The following DSE variants were observed in gnomAD, a reference collection of about 807,000 sequenced individuals.
The protein encoded by DSE is dermatan sulfate epimerase, also known as dermatan-sulfate epimerase.
In DSE, 36 loss-of-function variants were observed where a neutral mutation model predicts 84.4. The observed-to-expected ratio is 0.43, with a 90% CI of 0.33 to 0.56. DSE has a LOEUF of 0.56. Ranked by LOEUF, DSE falls within the 20% of genes least tolerant of loss-of-function variation. The pLI is 0.06. For missense variants in DSE, 862 were observed against 1,169.6 expected, an observed-to-expected ratio of 0.74 and a Z score of 3.84; for synonymous variants, 410 against 430.1, an observed-to-expected ratio of 0.95 and a Z score of 0.58.
intron 2 of DSE, among the ~76,000 whole-genome samples, chr6:116,407,539 G>A (rs1782013264): frequency 1.3e-5 from 2 of 152,004 alleles, no homozygotes; most frequent in African/African-American, 2.4e-5. Flanking sequence ...TAACTTTTAG[G>A]ACCTCTTGGC....
intron 2 of DSE, chr6:116,279,159 A>G: frequency 6.2e-7 from 1 of 1,613,804 alleles, no homozygotes; most frequent in Admixed American, 1.7e-5. Flanking sequence ...GGAGAGCCTC[A>G]TGCAAAGGCC....
intron 1 of DSE, among the ~76,000 whole-genome samples, chr6:116,372,245 G>C (rs1779638598): frequency 6.6e-6 from 1 of 152,210 alleles, no homozygotes; most frequent in Non-Finnish European, 1.5e-5. Context: ...GAGGCAGGCG[G>C]ATCACGAGGT....
chr6:116,402,223 G>A (rs368452015), intron 2 of DSE, among the ~76,000 whole-genome samples: 2 of 152,304 alleles, frequency 1.3e-5, no homozygotes, highest in African/African-American at 4.8e-5. Context: ...AATTGAGTGT[G>A]TGGATCATTT....
intron 2 of DSE, among the ~76,000 whole-genome samples, chr6:116,409,574 C>T (rs140554129): frequency 4.9e-4 from 75 of 152,288 alleles, no homozygotes; most frequent in African/African-American, 1.7e-3. Flanking sequence ...CCAACACGCC[C>T]GGCCAATATA....
At chr6:116,403,890 G>A (rs1381139079) in intron 2 of DSE, among the ~76,000 whole-genome samples, 1 of 152,272 alleles carries the variant, frequency 6.6e-6, no homozygotes, top group African/African-American at 2.4e-5. Flanking sequence ...ACCTGAGAGC[G>A]GGACCATGCC....
upstream of DSE, among the ~76,000 whole-genome samples, chr6:116,368,734 A>C (rs1779315267): frequency 6.6e-6 from 1 of 152,222 alleles, no homozygotes; most frequent in Non-Finnish European, 1.5e-5. Context: ...AATTCTTGGC[A>C]TCAGGGTTTG....
chr6:116,321,218 G>A (rs1776286117), intron 2 of DSE, among the ~76,000 whole-genome samples: 3 of 152,210 alleles, frequency 2.0e-5, no homozygotes, highest in Non-Finnish European at 4.4e-5. Context: ...CTGTTGCCCA[G>A]GCTGGAGTGC....
intron 2 of DSE, among the ~76,000 whole-genome samples, chr6:116,342,933 G>T (rs768251631): frequency 6.6e-6 from 1 of 152,124 alleles, no homozygotes; most frequent in Non-Finnish European, 1.5e-5. Context: ...GGAAAATCGG[G>T]ACACTTCCAC....
chr6:116,433,886 G>C (rs2115088538), intron 5 of DSE, among the ~76,000 whole-genome samples: 1 of 152,126 alleles, frequency 6.6e-6, no homozygotes, highest in Middle Eastern at 3.4e-3. Context: ...TCTCATATTA[G>C]AGCTGTCCTA....
At chr6:116,276,844 G>T (rs1241687267) in intron 2 of DSE, 1 of 152,096 alleles carries the variant, frequency 6.6e-6, no homozygotes, top group Non-Finnish European at 1.5e-5. Context: ...TAGGAAAAAA[G>T]ATATATCACT....
intron 2 of DSE, among the ~76,000 whole-genome samples, chr6:116,285,542 G>A (rs910965592): frequency 7.7e-4 from 117 of 152,208 alleles, no homozygotes; most frequent in African/African-American, 2.1e-3. Flanking sequence ...CCATTTGTCA[G>A]TTTTGGCTTT....
chr6:116,354,453 G>A (rs1562249677), intron 2 of DSE, among the ~76,000 whole-genome samples: 1 of 152,130 alleles, frequency 6.6e-6, no homozygotes, highest in African/African-American at 2.4e-5. Flanking sequence ...AGAGTGGGTG[G>A]AGGGTTTGTA....
In DSE at chr6:116,435,748, T is replaced by C; in HGVS notation, c.1280T>C (p.Ile427Thr). 2 of 1,614,050 alleles carry C rather than the reference T, an allele frequency of 1.2e-6. No homozygotes were observed. The highest frequency in any genetic ancestry group is 8.5e-7 in the Non-Finnish European group (1 of 1,180,006). The change falls in exon 6 of 6, where the codon ATA becomes ACA. Residue 427 changes from isoleucine (I) to threonine (T), a missense_variant. Around this residue, in one of 4 missense-constraint regions of DSE, gnomAD observed 309 missense variants for 516.9 expected, o/e 0.60. Transcript: ENST00000644252. ...FKSGKLGGRA[I>T]YDIVHRNKYK... The stretch of plus-strand genomic sequence containing the variant: ...TCTGGAAAACTGGGGGGACGTGCAA[T>C]ATATGACATTGTCCACAGAAACAAA...
intron 2 of DSE, among the ~76,000 whole-genome samples, chr6:116,281,853 T>A (rs1176355114): frequency 5.3e-5 from 8 of 152,244 alleles, no homozygotes; most frequent in Non-Finnish European, 1.0e-4. Context: ...CCTTCCTATC[T>A]GCCACTGGCA....
rs527673834 is a variant in DSE at position 116,400,987 on chromosome 6, T to C, written c.416+1321T>C. ...TCTAGAAGGGTACTTTAAAGTCCTT[T>C]TTGTTTTAGATAAGTAGATTTTGGC... is the stretch of plus-strand genomic sequence containing the variant. On this transcript the variant is annotated intron_variant, in intron 2 of 5. Coordinates refer to ENST00000644252, the MANE Select transcript of DSE (RefSeq NM_013352.4). 1.3e-4 allele frequency: 20 copies of C among 152,254 alleles called. No homozygotes were observed. The East Asian group carries it at 3.1e-3, about 23-fold the overall frequency. 9.4% of individuals were successfully genotyped at this position (152,254 alleles called of 1,614,324 possible). A position where few individuals can be genotyped will look rare whatever the true frequency, so the allele number is the denominator to read the frequency against.
chr6:116,319,129 C>T (rs1051490746), intron 2 of DSE, among the ~76,000 whole-genome samples: 4 of 152,044 alleles, frequency 2.6e-5, no homozygotes, highest in Admixed American at 2.6e-4. Context: ...CATTTATTTT[C>T]AAGATGTTCA....
intron 2 of DSE, among the ~76,000 whole-genome samples, chr6:116,420,833 G>A (rs144831631): frequency 6.6e-6 from 1 of 152,236 alleles, no homozygotes; most frequent in Non-Finnish European, 1.5e-5. Context: ...AAAATAGATA[G>A]CAACATTGTT....
chr6:116,370,477 T>A, upstream of DSE: 1 of 986,728 alleles, frequency 1.0e-6, no homozygotes, highest in Non-Finnish European at 1.2e-6. Context: ...GGAGGCAGAC[T>A]GGAGTGGGCA....
chr6:116,302,350 T>G (rs560448758), intron 2 of DSE, among the ~76,000 whole-genome samples: 1 of 152,342 alleles, frequency 6.6e-6, no homozygotes, highest in East Asian at 1.9e-4. Flanking sequence ...AGGTGGTATC[T>G]CATTGTGGTT....
Sources: allele counts gnomAD v4.1 joint callset (sites outside exome capture counted in the v4.1 genomes callset), GRCh38; gene constraint gnomAD v4.1.1; regional missense constraint gnomAD v4.1.1; transcripts MANE v1.5; gene names NCBI Gene and HGNC (gene_info 2026-07-23, HGNC 2026-07-21).